The following ENPP6 variants were observed in gnomAD, a reference collection of about 807,000 sequenced individuals.
The protein encoded by ENPP6 is glycerophosphocholine cholinephosphodiesterase ENPP6.
Under a neutral mutation model 42.0 loss-of-function variants are expected in ENPP6, and 32 were observed. That is an observed-to-expected ratio of 0.76 (90% CI 0.58 to 1.02). The LOEUF is 1.02. Among genes scored for constraint, ENPP6 ranks in the 50% least tolerant of loss-of-function variants. The pLI, the probability that ENPP6 is intolerant of heterozygous loss-of-function variation, is 0.00. For synonymous variants in ENPP6, 213 were observed against 216.0 expected, an observed-to-expected ratio of 0.99 and a Z score of 0.12; for missense variants, 552 against 566.8, an observed-to-expected ratio of 0.97 and a Z score of 0.27.
intron 1 of ENPP6, among the ~76,000 whole-genome samples, chr4:184,206,156 G>A (rs1732992477): frequency 6.6e-6 from 1 of 152,132 alleles, no homozygotes; most frequent in Non-Finnish European, 1.5e-5. Context: ...TAATCCTGGG[G>A]GAAGGAGGGC....
intron 1 of ENPP6, among the ~76,000 whole-genome samples, chr4:184,215,316 A>C (rs562228246): frequency 8.5e-5 from 13 of 152,358 alleles, no homozygotes; most frequent in Non-Finnish European, 1.9e-4. Flanking sequence ...CTAGCATAGC[A>C]ATTTTGTTGG....
chr4:184,138,165 T>C (rs1736760615), intron 2 of ENPP6, among the ~76,000 whole-genome samples: 1 of 152,234 alleles, frequency 6.6e-6, no homozygotes, highest in Non-Finnish European at 1.5e-5. Flanking sequence ...CATGGATAAA[T>C]ATGACTGATT....
intron 1 of ENPP6, among the ~76,000 whole-genome samples, chr4:184,192,100 C>T (rs758420195): frequency 6.6e-6 from 1 of 152,190 alleles, no homozygotes; most frequent in East Asian, 1.9e-4. Context: ...CAAATTCCAG[C>T]TGGCTTTGGC....
At chr4:184,116,681 C>T (rs981645090) in intron 5 of ENPP6, among the ~76,000 whole-genome samples, 175 bp downstream of exon 5, 4 of 151,598 alleles carry the variant, frequency 2.6e-5, no homozygotes, top group African/African-American at 7.3e-5. Flanking sequence ...TGCAGTGAGC[C>T]GAGATCGCGC....
chr4:184,095,704 G>A (rs1217263334), intron 7 of ENPP6, among the ~76,000 whole-genome samples: 1 of 150,766 alleles, frequency 6.6e-6, no homozygotes, highest in Non-Finnish European at 1.5e-5. Flanking sequence ...ATATTCCTGA[G>A]ACTCTCACTT....
At chr4:184,134,553 G>A (rs956407806) in intron 2 of ENPP6, among the ~76,000 whole-genome samples, 15 of 151,704 alleles carry the variant, frequency 9.9e-5, no homozygotes, top group Non-Finnish European at 2.1e-4. Context: ...GGCTTTTTAC[G>A]GTCTACAGGT....
In ENPP6 at chr4:184,203,202, G is replaced by T. The variant is rs927230699; in HGVS notation, c.241+14377C>A. 2.6e-5 allele frequency among the ~76,000 whole-genome samples: 4 copies of T among 152,326 alleles called. No individual in the cohort carries two copies. The East Asian group carries it at 7.7e-4, about 29-fold the overall frequency. ...GGAAGCGGAGGTTGCAGTGAGCTGA[G>T]ATCGTGCCACTGCACTCCAGCCTGG... On this transcript the variant is annotated intron_variant, in intron 1 of 7. Transcript: ENST00000296741.
chr4:184,212,639 A>G (rs1733131762), intron 1 of ENPP6, among the ~76,000 whole-genome samples: 1 of 151,802 alleles, frequency 6.6e-6, no homozygotes, highest in Non-Finnish European at 1.5e-5. Flanking sequence ...AGAAGAATCA[A>G]TATCATGAAA....
chr4:184,199,267 T>G (rs1732854573), intron 1 of ENPP6, among the ~76,000 whole-genome samples: 1 of 152,150 alleles, frequency 6.6e-6, no homozygotes, highest in Non-Finnish European at 1.5e-5. Flanking sequence ...GTGGGCTCTG[T>G]GATGAGATAT....
At chr4:184,130,040 G>T (rs1025252231) in intron 2 of ENPP6, among the ~76,000 whole-genome samples, 1 of 152,198 alleles carries the variant, frequency 6.6e-6, no homozygotes, top group African/African-American at 2.4e-5. Flanking sequence ...GGTAGGAATT[G>T]TCATTTGACT....
chr4:184,158,672 C>T (rs1263645891), intron 1 of ENPP6, among the ~76,000 whole-genome samples: 1 of 152,098 alleles, frequency 6.6e-6, no homozygotes, highest in East Asian at 1.9e-4. Context: ...CTTTTCTATG[C>T]CTTAGGGAAT....
At chr4:184,162,434 T>G (rs2111085031) in intron 1 of ENPP6, among the ~76,000 whole-genome samples, 1 of 152,318 alleles carries the variant, frequency 6.6e-6, no homozygotes, top group East Asian at 1.9e-4. Flanking sequence ...TTCAATAATC[T>G]ATTAAATGGG....
intron 1 of ENPP6, among the ~76,000 whole-genome samples, chr4:184,199,161 C>A (rs1732852937): frequency 6.6e-6 from 1 of 152,246 alleles, no homozygotes; most frequent in African/African-American, 2.4e-5. Context: ...GACATGGCAG[C>A]ATTTTCCAGG....
intron 1 of ENPP6, among the ~76,000 whole-genome samples, chr4:184,186,746 C>T (rs970453439): frequency 2.0e-5 from 3 of 151,764 alleles, no homozygotes; most frequent in Non-Finnish European, 2.9e-5. Flanking sequence ...TAGTGGAATC[C>T]CAGTTCATGC....
chr4:184,146,907 G>A lies in ENPP6; in HGVS notation c.421+6647C>T, dbSNP rs575506325. On this transcript the variant is annotated intron_variant, in intron 2 of 7. Transcript: ENST00000296741. ...TTACTAACAATTAGATTTCCTCAAGGCTGTGTCCAGGACCCTTTTTTCTTT... is the reference window on the plus strand; with the variant it reads ...TTACTAACAATTAGATTTCCTCAAGACTGTGTCCAGGACCCTTTTTTCTTT... Among the ~76,000 whole-genome samples, 7 of 152,228 alleles carry A rather than the reference G, an allele frequency of 4.6e-5. No individual in the cohort carries two copies. The South Asian group carries it at 1.5e-3, about 32-fold the overall frequency.
intron 3 of ENPP6, among the ~76,000 whole-genome samples, chr4:184,120,898 G>A (rs1203768539): frequency 6.6e-6 from 1 of 152,188 alleles, no homozygotes; most frequent in African/African-American, 2.4e-5. Context: ...AGAGGACTGA[G>A]GAGTTGACCC....
At chr4:184,108,240 ATCTG>A (rs1373878855) in intron 6 of ENPP6, among the ~76,000 whole-genome samples, 1 of 152,184 alleles carries the variant, frequency 6.6e-6, no homozygotes, top group African/African-American at 2.4e-5. Flanking sequence ...AACCAGTCTC[ATCTG>A]CCAGCCGAAC....
intron 6 of ENPP6, among the ~76,000 whole-genome samples, chr4:184,109,242 AC>A (rs59303432): frequency 1.1e-3 from 107 of 100,558 alleles, no homozygotes; most frequent in African/African-American, 3.4e-3. Flanking sequence ...ACAAAAAAAA[AC>A]AAAACAAACA....
intron 2 of ENPP6, among the ~76,000 whole-genome samples, chr4:184,149,970 C>A (rs745754888): frequency 9.9e-5 from 15 of 152,076 alleles, no homozygotes; most frequent in Non-Finnish European, 1.8e-4. Context: ...GCCCCCAACC[C>A]CTGCCAATTC....
Sources: allele counts gnomAD v4.1 joint callset (sites outside exome capture counted in the v4.1 genomes callset), GRCh38; gene constraint gnomAD v4.1.1; transcripts MANE v1.5; gene names NCBI Gene and HGNC (gene_info 2026-07-23, HGNC 2026-07-21).